SHC4: variants seen among roughly 807,000 people sequenced by gnomAD.
SHC4 encodes SHC-transforming protein 4.
Under a neutral mutation model 69.4 loss-of-function variants are expected in SHC4, and 41 were observed. The ratio of observed to expected loss-of-function variants is 0.59; its 90% confidence interval spans 0.46 to 0.77. SHC4 has a LOEUF of 0.77. Among genes scored for constraint, SHC4 ranks in the 30% least tolerant of loss-of-function variants. SHC4 has a pLI of 0.00. For missense variants in SHC4, 777 were observed against 783.8 expected (o/e 0.99, Z 0.10); for synonymous variants, 318 against 299.3 (o/e 1.06, Z -0.64).
chr15:48,925,460 T>A (rs1900836807), intron 1 of SHC4, among the ~76,000 whole-genome samples: 1 of 152,212 alleles, frequency 6.6e-6, no homozygotes, highest in Non-Finnish European at 1.5e-5. Flanking sequence ...AGATAGAGAA[T>A]ACAGGAATGT....
At chr15:48,873,823 A>G (rs1899742792) in intron 4 of SHC4, among the ~76,000 whole-genome samples, 1 of 152,232 alleles carries the variant, frequency 6.6e-6, no homozygotes, top group Non-Finnish European at 1.5e-5. Context: ...TTAGTACAAA[A>G]CTAATAAGAA....
At chr15:48,854,083 A>G (rs2140981441) in intron 8 of SHC4, among the ~76,000 whole-genome samples, 1 of 152,326 alleles carries the variant, frequency 6.6e-6, no homozygotes, top group South Asian at 2.1e-4. Flanking sequence ...CGCATCCAAA[A>G]AGGTCTAATA....
chr15:48,872,692 G>T (rs1008369279), intron 4 of SHC4, among the ~76,000 whole-genome samples: 3 of 152,154 alleles, frequency 2.0e-5, no homozygotes, highest in African/African-American at 7.2e-5. Flanking sequence ...AAGTTAGTTT[G>T]AATTTGATTT....
At chr15:48,883,414 G>A (rs535297213) in intron 4 of SHC4, among the ~76,000 whole-genome samples, 1 of 152,240 alleles carries the variant, frequency 6.6e-6, no homozygotes, top group East Asian at 1.9e-4. Flanking sequence ...TGTAACCTCA[G>A]ACTTTTAGCA....
chr15:48,921,336 T>G (rs981369670), intron 2 of SHC4, among the ~76,000 whole-genome samples: 22 of 151,410 alleles, frequency 1.5e-4, no homozygotes, highest in Non-Finnish European at 3.0e-4. Context: ...TTATCGTTTT[T>G]TTTTTTTTTT....
chr15:48,911,176 A>G (rs1270465631), intron 2 of SHC4, among the ~76,000 whole-genome samples: 2 of 152,124 alleles, frequency 1.3e-5, no homozygotes, highest in Non-Finnish European at 2.9e-5. Context: ...GAAGTCTCCC[A>G]CTATTATTGT....
Position 48,825,505 on chromosome 15 carries a change from T to C in SHC4, c.*466A>G, listed in dbSNP as rs1364184018. The C allele has an allele frequency of 6.5e-6, 1 of 153,142 alleles. No individual in the cohort carries two copies. Among genetic ancestry groups the C allele is most frequent in the Non-Finnish European group, 1.5e-5 (1 of 68,412 alleles). The allele number at this position is 153,142 out of a possible 1,614,324, so 9.5% of individuals were successfully genotyped here. On this transcript the variant is annotated 3_prime_UTR_variant, in exon 12 of 12. Transcript: ENST00000332408. ...CAATAAGGCTCAAGAAAATTGCTTA[T>C]TTTTTGTAGCAAGAAAAGCTTTTTT...
rs907687780 is a variant in SHC4 at position 48,852,979 on chromosome 15, G to A, written c.1243-1731C>T. Among the ~76,000 whole-genome samples, 12 of 150,222 alleles carry A rather than the reference G, an allele frequency of 8.0e-5. No individual in the cohort carries two copies. The East Asian group carries it at 1.9e-3, about 24-fold the overall frequency. On this transcript the variant is annotated intron_variant, in intron 8 of 11. Coordinates refer to ENST00000332408, the MANE Select transcript of SHC4 (RefSeq NM_203349.4). ...TAAAAAATAAAAAAATTTAGAGGTG[G>A]AAGTCTTAGAGCAATCAGGCAAGAG...
chr15:48,839,710 G>A lies in SHC4; in HGVS notation c.1483+3699C>T, dbSNP rs144124435. 5.4e-3 allele frequency among the ~76,000 whole-genome samples: 817 copies of A among 152,282 alleles called. 2 individuals are homozygous for A. The highest frequency in any genetic ancestry group is 0.01 in the Admixed American group (159 of 15,298). On this transcript the variant is annotated intron_variant, in intron 10 of 11. Coordinates refer to ENST00000332408, the MANE Select transcript of SHC4 (RefSeq NM_203349.4). ...CCCGCTAATTTGGGGTATGGAGGGTGGCAGACAACTTGGCAGATAATAAGG... is the reference window on the plus strand; with the variant it reads ...CCCGCTAATTTGGGGTATGGAGGGTAGCAGACAACTTGGCAGATAATAAGG...
At chr15:48,830,719 T>C (rs1304273398) in intron 11 of SHC4, among the ~76,000 whole-genome samples, 1 of 152,210 alleles carries the variant, frequency 6.6e-6, no homozygotes, top group African/African-American at 2.4e-5. Flanking sequence ...CAAAAGGTTT[T>C]CATTAATAGA....
chr15:48,887,916 T>C (rs1900065050), intron 3 of SHC4, among the ~76,000 whole-genome samples: 1 of 152,130 alleles, frequency 6.6e-6, no homozygotes, highest in Admixed American at 6.5e-5. Context: ...AATGGACAAA[T>C]TCCTAGAATA....
At chr15:48,941,633 T>C (rs1343764962) in intron 1 of SHC4, among the ~76,000 whole-genome samples, 1 of 152,150 alleles carries the variant, frequency 6.6e-6, no homozygotes, top group African/African-American at 2.4e-5. Flanking sequence ...AAAGACCTGA[T>C]TCAAATAAAT....
chr15:48,900,403 A>G (rs1900301658), intron 2 of SHC4, among the ~76,000 whole-genome samples: 1 of 151,920 alleles, frequency 6.6e-6, no homozygotes, highest in African/African-American at 2.4e-5. Flanking sequence ...GCTACTTGGG[A>G]GGCTGAGGCA....
At chr15:48,872,256 C>T in intron 4 of SHC4, 114 bp from the exon 5 acceptor site, 1 of 585,074 alleles carries the variant, frequency 1.7e-6, no homozygotes, top group South Asian at 2.3e-5. Context: ...ATCAGCATCC[C>T]TTTGAAAACC....
chr15:48,859,412 C>A (rs775493080), intron 6 of SHC4, among the ~76,000 whole-genome samples: 1 of 151,664 alleles, frequency 6.6e-6, no homozygotes, highest in Non-Finnish European at 1.5e-5. Flanking sequence ...TATAAAGTTG[C>A]CCCTTTAAAG....
chr15:48,850,898 A>G (rs1023872980), intron 9 of SHC4, among the ~76,000 whole-genome samples: 1 of 152,204 alleles, frequency 6.6e-6, no homozygotes, highest in African/African-American at 2.4e-5. Flanking sequence ...CGAGCAGAGA[A>G]AGCACCTTTC....
intron 11 of SHC4, among the ~76,000 whole-genome samples, chr15:48,832,315 G>A (rs1228438885): frequency 2.0e-5 from 3 of 152,124 alleles, no homozygotes; most frequent in Non-Finnish European, 1.5e-5. Context: ...TTTGCCAGAT[G>A]GAGTAGTCTT....
At chr15:48,850,032 G>A (rs750416492) in intron 9 of SHC4, among the ~76,000 whole-genome samples, 3 of 151,994 alleles carry the variant, frequency 2.0e-5, no homozygotes, top group African/African-American at 4.8e-5. Flanking sequence ...GCGAAACCCC[G>A]TTTCTACTAA....
intron 1 of SHC4, among the ~76,000 whole-genome samples, chr15:48,929,416 T>C (rs979679854): frequency 6.6e-6 from 1 of 152,244 alleles, no homozygotes; most frequent in Admixed American, 6.5e-5. Flanking sequence ...CTTTTCTTTT[T>C]ATGAGATTAG....
Sources: allele counts gnomAD v4.1 joint callset (sites outside exome capture counted in the v4.1 genomes callset), GRCh38; gene constraint gnomAD v4.1.1; transcripts MANE v1.5; gene names NCBI Gene and HGNC (gene_info 2026-07-23, HGNC 2026-07-21).